TNS3: variants seen among roughly 807,000 people sequenced by gnomAD.
The protein encoded by TNS3 is tensin-3.
In TNS3, 45 loss-of-function variants were observed where a neutral mutation model predicts 140.9. The ratio of observed to expected loss-of-function variants is 0.32; its 90% CI spans 0.25 to 0.41. The LOEUF (loss-of-function observed/expected upper bound fraction) is 0.41. Ranked by LOEUF, TNS3 falls within the 10% of genes least tolerant of loss-of-function variation. The pLI is 1.00. For synonymous variants in TNS3, 815 were observed against 788.4 expected (o/e 1.03, Z -0.56); for missense variants, 1,716 against 1,906.7 (o/e 0.90, Z 1.86).
intron 30 of TNS3, chr7:47,279,443 C>T (rs894771636): frequency 6.5e-6 from 1 of 152,896 alleles, no homozygotes; most frequent in African/African-American, 2.4e-5. Context: ...TGGCTCACAC[C>T]TTTAATCCCG....
At chr7:47,547,336 G>C (rs560239721) in intron 1 of TNS3, among the ~76,000 whole-genome samples, 8 of 152,306 alleles carry the variant, frequency 5.3e-5, no homozygotes, top group African/African-American at 1.9e-4. Context: ...GGAGTGGAAG[G>C]CAAGTGTGGG....
intron 4 of TNS3, among the ~76,000 whole-genome samples, chr7:47,472,650 C>G (rs1797003766): frequency 6.6e-6 from 1 of 152,186 alleles, no homozygotes; most frequent in Non-Finnish European, 1.5e-5. Flanking sequence ...GGCGTCTAGA[C>G]CAGAAGGCGC....
intron 16 of TNS3, among the ~76,000 whole-genome samples, chr7:47,378,434 G>A (rs999630744): frequency 6.6e-6 from 1 of 152,182 alleles, no homozygotes; most frequent in Non-Finnish European, 1.5e-5. Flanking sequence ...TGATATGACT[G>A]AAATTGTCCC....
At chr7:47,292,734 A>G (rs1465340682) in intron 26 of TNS3, 94 bp downstream of exon 26, 37 of 1,161,268 alleles carry the variant, frequency 3.2e-5, no homozygotes, top group Non-Finnish European at 5.0e-6. Flanking sequence ...CAGTCTTATT[A>G]TTTTTCTCAG....
chr7:47,335,123 A>T (rs1788559696), intron 20 of TNS3, among the ~76,000 whole-genome samples: 1 of 152,226 alleles, frequency 6.6e-6, no homozygotes, highest in South Asian at 2.1e-4. Flanking sequence ...AAGCATGTCC[A>T]TTTGAGGCTC....
At chr7:47,539,629 GGCTCAGTTGAAGATCC>G (rs1449782776) in intron 1 of TNS3, 5 of 165,084 alleles carry the variant, frequency 3.0e-5, no homozygotes, top group African/African-American at 1.2e-4. Context: ...CGCTGTCCTG[GGCTCAGTTGAAGATCC>G]GCCCCCCATC....
chr7:47,278,012 T>C lies in TNS3; in HGVS notation c.*64A>G. On this transcript the variant is annotated 3_prime_UTR_variant, in exon 31 of 31. Coordinates refer to ENST00000311160, the MANE Select transcript of TNS3 (RefSeq NM_022748.12). ...TTGGTAAAAAGTGGGGGCCCCACCC[T>C]CACCCAACGGCTGTCTCCAGGGCTT... 1 of 1,609,768 alleles carries C rather than the reference T, an allele frequency of 6.2e-7. No homozygotes were observed. The highest frequency in any genetic ancestry group is 8.5e-7 in the Non-Finnish European group (1 of 1,177,026).
chr7:47,358,157 T>G (rs1480435813), intron 17 of TNS3, among the ~76,000 whole-genome samples: 1 of 151,228 alleles, frequency 6.6e-6, no homozygotes, highest in African/African-American at 2.4e-5. Flanking sequence ...TTTTTTTTTT[T>G]GACGGAGTCT....
chr7:47,519,816 C>CT (rs34418629), intron 2 of TNS3, among the ~76,000 whole-genome samples: 29,422 of 74,516 alleles, frequency 0.39, 8,905 homozygotes, highest in Admixed American at 0.41. Context: ...CCTCACATTT[C>CT]TTTTTTTTTT....
At chr7:47,315,066 T>C (rs1787316618) in intron 20 of TNS3, among the ~76,000 whole-genome samples, 1 of 152,224 alleles carries the variant, frequency 6.6e-6, no homozygotes, top group South Asian at 2.1e-4. Context: ...ACAGGGATGC[T>C]GTTTAGACCG....
rs114108700 is a variant in TNS3, at chr7:47,417,221, G to C, written c.474-2015C>G. On this transcript the variant is annotated intron_variant, in intron 10 of 30. Transcript: ENST00000311160. ...GAGTTAGCGCCAAGGTCCTATGAGG[G>C]GCAAACAGCCATCCTCCGGGAAACC... 6.3e-3 allele frequency among the ~76,000 whole-genome samples: 960 copies of C among 152,358 alleles called. 4 individuals carry two copies. The highest frequency in any genetic ancestry group is 0.021 in the African/African-American group (891 of 41,580).
chr7:47,287,787 G>A (rs1428508756), intron 27 of TNS3, among the ~76,000 whole-genome samples: 1 of 152,144 alleles, frequency 6.6e-6, no homozygotes, highest in Non-Finnish European at 1.5e-5. Context: ...AAGGAAAGAA[G>A]CTCAAGGCAG....
rs189008638 is a variant in TNS3 at position 47,348,701 on chromosome 7, G to T, written c.2282-2345C>A. On this transcript the variant is annotated intron_variant, in intron 17 of 30. Coordinates refer to ENST00000311160, the MANE Select transcript of TNS3 (RefSeq NM_022748.12). ...AGTAATAATAATAAAACTGTGGACA[G>T]TGTGGTCAAGTGTTCTCTTTGATCT... Among the ~76,000 whole-genome samples, 23 of 152,328 alleles carry T rather than the reference G, an allele frequency of 1.5e-4. No individual in the cohort carries two copies. In the East Asian group the frequency reaches 4.2e-3, roughly 28 times the overall value.
At chr7:47,416,163 C>T (rs1794071262) in intron 10 of TNS3, among the ~76,000 whole-genome samples, 1 of 152,220 alleles carries the variant, frequency 6.6e-6, no homozygotes, top group Non-Finnish European at 1.5e-5. Flanking sequence ...GCAAGAAAAA[C>T]CCAAACAATC....
At chr7:47,368,334 G>A (rs112987990) in intron 17 of TNS3, 31 bp downstream of exon 17, 174 of 1,447,516 alleles carry the variant, frequency 1.2e-4, no homozygotes, top group East Asian at 1.7e-4. Context: ...AGCACCTCCC[G>A]TGGAGCACCT....
At chr7:47,330,813 G>A (rs1192124488) in intron 20 of TNS3, among the ~76,000 whole-genome samples, 2 of 152,008 alleles carry the variant, frequency 1.3e-5, no homozygotes, top group African/African-American at 2.4e-5. Context: ...GCCTCCATAG[G>A]GGGCACGTCC....
At chr7:47,330,633 G>T (rs187430424) in intron 20 of TNS3, among the ~76,000 whole-genome samples, 1 of 152,036 alleles carries the variant, frequency 6.6e-6, no homozygotes, top group Non-Finnish European at 1.5e-5. Context: ...GGGAGAGGAG[G>T]AACAGAGGGA....
chr7:47,297,857 G>A (rs1006606829), intron 23 of TNS3, among the ~76,000 whole-genome samples: 8 of 148,086 alleles, frequency 5.4e-5, no homozygotes, highest in African/African-American at 1.3e-4. Context: ...GCATGGTCTC[G>A]GCTCACTGCA....
intron 2 of TNS3, among the ~76,000 whole-genome samples, chr7:47,509,384 C>T (rs963852847): frequency 3.9e-5 from 6 of 152,174 alleles, no homozygotes; most frequent in African/African-American, 1.4e-4. Flanking sequence ...ATGGATAATC[C>T]TCAGAGTAGC....
Sources: gnomAD v4.1 joint callset for allele counts (sites outside exome capture counted in the v4.1 genomes callset) on GRCh38, gnomAD v4.1.1 for gene constraint, MANE v1.5 for transcripts, NCBI Gene and HGNC (gene_info 2026-07-23, HGNC 2026-07-21) for gene names.